Variants in ARHGAP24 observed in about 807,000 individuals in gnomAD.
The protein encoded by ARHGAP24 is rho GTPase-activating protein 24.
Under a neutral mutation model 76.4 loss-of-function variants are expected in ARHGAP24, and 50 were observed. That is an observed-to-expected ratio of 0.65 (90% CI 0.52 to 0.83). ARHGAP24 has a LOEUF of 0.83. ARHGAP24 is among the 40% of genes least tolerant of loss of function. The probability of loss-of-function intolerance (pLI) is 0.00; values close to 1 mark genes in which losing one functional copy is unlikely to be tolerated. For missense variants in ARHGAP24, 930 were observed against 914.2 expected (o/e 1.02, Z -0.22); for synonymous variants, 345 against 323.3 (o/e 1.07, Z -0.72).
intron 2 of ARHGAP24, among the ~76,000 whole-genome samples, chr4:85,616,915 G>A (rs572573104): frequency 3.9e-5 from 6 of 151,956 alleles, no homozygotes; most frequent in African/African-American, 9.6e-5. Context: ...GACGTGAGCC[G>A]GCATGCCCAG....
intron 2 of ARHGAP24, among the ~76,000 whole-genome samples, chr4:85,612,792 C>CTTTTTTTTTTTTTTTTTTTTTTTT (rs70948739): frequency 1.2e-5 from 1 of 82,774 alleles, no homozygotes; most frequent in Non-Finnish European, 2.2e-5. Flanking sequence ...CTTTCCATTC[C>CTTTTTTTTTTTTTTTTTTTTTTTT]TTTTTTTTTT....
At chr4:85,559,208 C>T (rs1186258418) in intron 1 of ARHGAP24, among the ~76,000 whole-genome samples, 1 of 152,170 alleles carries the variant, frequency 6.6e-6, no homozygotes, top group African/African-American at 2.4e-5. Context: ...TCTCCCATCC[C>T]TTGGGTATTA....
chr4:85,744,044 A>G (rs1454084155), intron 3 of ARHGAP24, among the ~76,000 whole-genome samples: 1 of 152,190 alleles, frequency 6.6e-6, no homozygotes, highest in Non-Finnish European at 1.5e-5. Context: ...CATATTAAAA[A>G]CAAAAACAAA....
rs376747231 is a variant in ARHGAP24 at position 85,664,701 on chromosome 4, T to C, written c.181-57184T>C. On this transcript the variant is annotated intron_variant, in intron 2 of 9. Transcript: ENST00000395184. ...TGCTTTGAATGCGTCCCAGAGATTC[T>C]GGTATGTTGTGTCTTTGTTCTCGTT... Among the ~76,000 whole-genome samples, 29 of 151,544 alleles carry C rather than the reference T, an allele frequency of 1.9e-4. No homozygotes were observed. In the East Asian group the frequency reaches 3.3e-3, roughly 17 times the overall value.
At chr4:85,633,304 A>C (rs1721217707) in intron 2 of ARHGAP24, among the ~76,000 whole-genome samples, 1 of 151,782 alleles carries the variant, frequency 6.6e-6, no homozygotes, top group Non-Finnish European at 1.5e-5. Flanking sequence ...TTTGTATGGC[A>C]TTTTGCTTTC....
At chr4:85,563,881 A>G (rs1467242608) in intron 1 of ARHGAP24, among the ~76,000 whole-genome samples, 1 of 152,248 alleles carries the variant, frequency 6.6e-6, no homozygotes, top group Non-Finnish European at 1.5e-5. Context: ...AATGCTTGTT[A>G]TGTCATTTTA....
chr4:85,554,011 G>A (rs1309171096), intron 1 of ARHGAP24, among the ~76,000 whole-genome samples: 1 of 152,070 alleles, frequency 6.6e-6, no homozygotes, highest in Non-Finnish European at 1.5e-5. Context: ...CATGTCCAGG[G>A]TTAATGGATT....
chr4:85,697,389 A>G (rs1723906002), intron 2 of ARHGAP24, among the ~76,000 whole-genome samples: 1 of 152,170 alleles, frequency 6.6e-6, no homozygotes, highest in African/African-American at 2.4e-5. Context: ...GCTGCATAGT[A>G]TTCCATGGTG....
At chr4:85,737,853 C>G (rs1475016298) in intron 3 of ARHGAP24, among the ~76,000 whole-genome samples, 4 of 152,166 alleles carry the variant, frequency 2.6e-5, no homozygotes, top group Non-Finnish European at 5.9e-5. Flanking sequence ...TTCTACTTAG[C>G]TGTCTTTCCA....
intron 2 of ARHGAP24, among the ~76,000 whole-genome samples, chr4:85,716,086 T>C (rs1237587711): frequency 1.3e-5 from 2 of 152,060 alleles, no homozygotes; most frequent in Non-Finnish European, 2.9e-5. Flanking sequence ...TTGTTTATGC[T>C]GGAAAAAAAT....
intron 1 of ARHGAP24, among the ~76,000 whole-genome samples, chr4:85,515,492 A>G (rs926662754): frequency 6.6e-6 from 1 of 150,934 alleles, no homozygotes; most frequent in Admixed American, 6.6e-5. Flanking sequence ...TAGGACATAT[A>G]TATATATATA....
At chr4:85,599,946 G>A (rs1376865281) in intron 2 of ARHGAP24, among the ~76,000 whole-genome samples, 1 of 152,148 alleles carries the variant, frequency 6.6e-6, no homozygotes, top group East Asian at 1.9e-4. Flanking sequence ...ATTAGGATAA[G>A]GTATCATGGT....
At chr4:85,581,739 A>G (rs1489656813) in intron 2 of ARHGAP24, among the ~76,000 whole-genome samples, 2 of 151,994 alleles carry the variant, frequency 1.3e-5, no homozygotes, top group Non-Finnish European at 2.9e-5. Flanking sequence ...AACTTTTCCT[A>G]GTTTTTTTTA....
intron 2 of ARHGAP24, among the ~76,000 whole-genome samples, chr4:85,712,434 CT>C (rs1724563454): frequency 2.0e-5 from 3 of 152,148 alleles, no homozygotes. Context: ...TTGTTGCCAC[CT>C]TTTTTGTATT....
chr4:85,762,191 A>G lies in ARHGAP24; in HGVS notation c.268+40219A>G, dbSNP rs186001551. 2.8e-3 allele frequency among the ~76,000 whole-genome samples: 419 copies of G among 152,346 alleles called. 8 individuals carry two copies. The highest frequency in any genetic ancestry group is 2.7e-3 in the East Asian group (14 of 5,186). ...TAAGAAAGAATGATTTGTTTAAAAT[A>G]GTGCCCAAATACTAAGCTACATTAC... On this transcript the variant is annotated intron_variant, in intron 3 of 9. Coordinates refer to ENST00000395184, the MANE Select transcript of ARHGAP24 (RefSeq NM_001025616.3).
intron 3 of ARHGAP24, among the ~76,000 whole-genome samples, chr4:85,796,769 TC>T (rs1446478711): frequency 6.6e-6 from 1 of 152,000 alleles, no homozygotes; most frequent in Non-Finnish European, 1.5e-5. Flanking sequence ...GAGGCTGAGA[TC>T]CAGAGCTCTC....
chr4:85,488,756 T>C (rs1282209057), intron 1 of ARHGAP24, among the ~76,000 whole-genome samples: 1 of 152,156 alleles, frequency 6.6e-6, no homozygotes, highest in African/African-American at 2.4e-5. Context: ...ACTAGAAGGG[T>C]ACTAGTTAAG....
rs1722793342 is a variant in ARHGAP24, at chr4:85,480,979, G to A, written c.-21+5420G>A. 2.6e-5 allele frequency among the ~76,000 whole-genome samples: 4 copies of A among 152,122 alleles called. No homozygotes were observed. The South Asian group carries it at 8.3e-4, about 32-fold the overall frequency. The stretch of plus-strand genomic sequence containing the variant: ...TCAAATTGAGCCTTCAGAAAATAAA[G>A]TAATTTTTCAAATTCTCCAAAAAGG... On this transcript the variant is annotated intron_variant, in intron 1 of 9. Coordinates refer to ENST00000395184, the MANE Select transcript of ARHGAP24 (RefSeq NM_001025616.3).
At chr4:85,693,433 C>A (rs1379076327) in intron 2 of ARHGAP24, among the ~76,000 whole-genome samples, 1 of 152,174 alleles carries the variant, frequency 6.6e-6, no homozygotes, top group Non-Finnish European at 1.5e-5. Flanking sequence ...TGTCTCACTG[C>A]CTCAGTCTCT....
Sources: gnomAD v4.1 joint callset for allele counts (sites outside exome capture counted in the v4.1 genomes callset) on GRCh38, gnomAD v4.1.1 for gene constraint, MANE v1.5 for transcripts, NCBI Gene and HGNC (gene_info 2026-07-23, HGNC 2026-07-21) for gene names.